THSD4: variants seen among roughly 807,000 people sequenced by gnomAD.
The protein encoded by THSD4 is thrombospondin type-1 domain-containing protein 4.
THSD4 carries 69 observed loss-of-function variants against 119.0 expected under a neutral mutation model. The observed-to-expected ratio is 0.58, with a 90% CI of 0.48 to 0.71. The LOEUF (loss-of-function observed/expected upper bound fraction) is 0.71, where lower values mean the gene tolerates loss of function less well. Among genes scored for constraint, THSD4 ranks in the 30% least tolerant of loss-of-function variants. THSD4 has a pLI of 0.00. For missense variants in THSD4, 1,393 were observed against 1,391.1 expected, an observed-to-expected ratio of 1.00 and a Z score of -0.02; for synonymous variants, 524 against 540.4, an observed-to-expected ratio of 0.97 and a Z score of 0.42.
chr15:71,598,332 T>C (rs898517283), intron 7 of THSD4, among the ~76,000 whole-genome samples: 3 of 152,140 alleles, frequency 2.0e-5, no homozygotes, highest in Non-Finnish European at 4.4e-5. Context: ...CATGACATTT[T>C]AAAAGTCAAA....
At chr15:71,353,375 T>C (rs892278556) in intron 6 of THSD4, among the ~76,000 whole-genome samples, 2 of 152,238 alleles carry the variant, frequency 1.3e-5, no homozygotes, top group African/African-American at 4.8e-5. Context: ...CTTAATCTGA[T>C]TGCAAAAGAA....
At chr15:71,424,977 T>A (rs1191906757) in intron 7 of THSD4, among the ~76,000 whole-genome samples, 1 of 152,150 alleles carries the variant, frequency 6.6e-6, no homozygotes, top group Non-Finnish European at 1.5e-5. Flanking sequence ...CAGACTTTAA[T>A]GATCCTGAGT....
At chr15:71,303,700 C>T (rs1317836963) in intron 6 of THSD4, among the ~76,000 whole-genome samples, 1 of 152,096 alleles carries the variant, frequency 6.6e-6, no homozygotes, top group African/African-American at 2.4e-5. Context: ...ATAAACTGGG[C>T]CTTATGCTGG....
chr15:71,357,320 A>G (rs1255812825), intron 6 of THSD4, among the ~76,000 whole-genome samples: 5 of 152,190 alleles, frequency 3.3e-5, no homozygotes, highest in Non-Finnish European at 7.3e-5. Context: ...TCCCTGCTCT[A>G]GACCCCATCG....
chr15:71,212,082 C>T (rs2043892216), intron 3 of THSD4, among the ~76,000 whole-genome samples: 1 of 152,066 alleles, frequency 6.6e-6, no homozygotes, highest in Admixed American at 6.6e-5. Flanking sequence ...GCTGGGTGGT[C>T]AATGCAACTA....
At chr15:71,670,707 C>T (rs2051508088) in intron 8 of THSD4, among the ~76,000 whole-genome samples, 1 of 151,632 alleles carries the variant, frequency 6.6e-6, no homozygotes, top group African/African-American at 2.4e-5. Flanking sequence ...CAAGTGTTCT[C>T]ATTGTTCATT....
At chr15:71,495,663 ATAT>A (rs1194355970) in intron 7 of THSD4, among the ~76,000 whole-genome samples, 3 of 152,192 alleles carry the variant, frequency 2.0e-5, no homozygotes, top group Non-Finnish European at 2.9e-5. Context: ...ATGAGTGTCA[ATAT>A]TATTATCTTT....
At chr15:71,704,038 C>T (rs554145774) in intron 8 of THSD4, among the ~76,000 whole-genome samples, 89 of 151,974 alleles carry the variant, frequency 5.9e-4, no homozygotes, top group Non-Finnish European at 1.1e-3. Flanking sequence ...TTAGTAGAGA[C>T]GGGGTTTCAC....
intron 7 of THSD4, among the ~76,000 whole-genome samples, chr15:71,639,398 C>T (rs2050811280): frequency 6.6e-6 from 1 of 152,144 alleles, no homozygotes; most frequent in African/African-American, 2.4e-5. Context: ...CCCCCATTTG[C>T]AATACAGGAC....
chr15:71,317,561 T>A (rs576072099), intron 6 of THSD4, among the ~76,000 whole-genome samples: 85 of 152,346 alleles, frequency 5.6e-4, no homozygotes, highest in African/African-American at 1.8e-3. Flanking sequence ...CAGGTAACTT[T>A]CACTAGGTCC....
intron 6 of THSD4, among the ~76,000 whole-genome samples, chr15:71,304,213 G>A (rs2044992336): frequency 6.6e-6 from 1 of 152,082 alleles, no homozygotes; most frequent in South Asian, 2.1e-4. Context: ...ATGAAACATG[G>A]CACAAGCTCT....
intron 6 of THSD4, among the ~76,000 whole-genome samples, chr15:71,286,762 C>T (rs1023322135): frequency 1.2e-4 from 19 of 152,188 alleles, no homozygotes; most frequent in Admixed American, 9.2e-4. Context: ...AATTTACACT[C>T]CCACCAACAG....
rs374103567 is a variant in THSD4 at position 71,728,696 on chromosome 15, G to C, written c.1505G>C (p.Gly502Ala). The C allele has an allele frequency of 6.2e-7, 1 of 1,614,016 alleles. No individual in the cohort carries two copies. Among genetic ancestry groups the C allele is most frequent in the South Asian group, 1.1e-5 (1 of 91,088 alleles). Residue 502 changes from glycine (G) to alanine (A), a missense_variant, in exon 9 of 18, where the codon GGT (glycine) becomes GCT (alanine). Coordinates refer to ENST00000261862, the MANE Select transcript of THSD4 (RefSeq NM_024817.3). The part of the protein sequence containing the change: ...STAGESFLAE[G>A]PTNEILDVYM... The stretch of plus-strand genomic sequence containing the variant: ...GCCGGAGAGTCCTTTTTGGCGGAAG[G>C]TCCCACCAACGAGATCTTGGATGTC...
intron 1 of THSD4, among the ~76,000 whole-genome samples, chr15:71,108,732 C>T (rs2040284502): frequency 6.6e-6 from 1 of 152,186 alleles, no homozygotes; most frequent in Non-Finnish European, 1.5e-5. Flanking sequence ...TAGCTCACGC[C>T]TGTAATCCCA....
intron 3 of THSD4, 60 bp from the exon 4 acceptor site, chr15:71,214,975 G>A (rs2043918433): frequency 8.2e-7 from 1 of 1,225,590 alleles, no homozygotes; most frequent in Non-Finnish European, 1.0e-6. Flanking sequence ...CCTGCTCAAA[G>A]CTTTTCGGGT....
intron 1 of THSD4, among the ~76,000 whole-genome samples, chr15:71,116,934 A>T (rs2040367764): frequency 6.6e-6 from 1 of 152,116 alleles, no homozygotes; most frequent in Admixed American, 6.5e-5. Flanking sequence ...ATTCCTATAG[A>T]TTTTTGTTGG....
intron 7 of THSD4, among the ~76,000 whole-genome samples, chr15:71,457,400 A>C (rs899150249): frequency 4.6e-5 from 7 of 151,526 alleles, no homozygotes; most frequent in African/African-American, 1.7e-4. Flanking sequence ...AAAAAAAAAA[A>C]AAGCCAAGAT....
chr15:71,573,574 C>T (rs1285187676), intron 7 of THSD4, among the ~76,000 whole-genome samples: 1 of 152,130 alleles, frequency 6.6e-6, no homozygotes, highest in Non-Finnish European at 1.5e-5. Flanking sequence ...CAAATGCCAC[C>T]TGTGAAATAA....
intron 3 of THSD4, chr15:71,186,039 A>C (rs760584575): frequency 6.6e-6 from 1 of 152,228 alleles, no homozygotes; most frequent in Non-Finnish European, 1.5e-5. Flanking sequence ...CCTGGCAACA[A>C]CTTTGTGTCG....
Sources: allele counts gnomAD v4.1 joint callset (sites outside exome capture counted in the v4.1 genomes callset), GRCh38; gene constraint gnomAD v4.1.1; transcripts MANE v1.5; gene names NCBI Gene and HGNC (gene_info 2026-07-23, HGNC 2026-07-21).